NAA15: variants seen among roughly 807,000 people sequenced by gnomAD.
The protein encoded by NAA15 is N-alpha-acetyltransferase 15, NatA auxiliary subunit.
Under a neutral mutation model 114.0 loss-of-function variants are expected in NAA15, and 34 were observed. The observed-to-expected ratio is 0.30, with a 90% CI of 0.23 to 0.40. NAA15 has a LOEUF of 0.40. NAA15 is among the 10% of genes least tolerant of loss of function. The pLI is 1.00. For missense variants in NAA15, 658 were observed against 1,004.5 expected, an observed-to-expected ratio of 0.66 and a Z score of 4.66; for synonymous variants, 340 against 338.0, an observed-to-expected ratio of 1.01 and a Z score of -0.06.
chr4:139,332,578 T>TTTTTTTTTG (rs1747054489), intron 1 of NAA15, among the ~76,000 whole-genome samples: 1 of 114,924 alleles, frequency 8.7e-6, no homozygotes, highest in African/African-American at 3.7e-5. Flanking sequence ...GTATGTTTTT[T>TTTTTTTTTG]TTTTTTTTTT....
rs747164358 is a variant in NAA15 at position 139,385,157 on chromosome 4, C to T, written c.2302+179C>T. On this transcript the variant is annotated intron_variant, in intron 18 of 19. Coordinates refer to ENST00000296543, the MANE Select transcript of NAA15 (RefSeq NM_057175.5). ...CTAAGCTGGGCACAGTGGCACATAC[C>T]GGTAGTCCCAGCTACTCAGGATGCT... 6.6e-5 allele frequency among the ~76,000 whole-genome samples: 10 copies of T among 150,848 alleles called. No individual in the cohort carries two copies. In the East Asian group the frequency reaches 9.7e-4, roughly 15 times the overall value.
rs116578503 is a variant in NAA15 at position 139,373,656 on chromosome 4, A to G, written c.1948-2709A>G. On this transcript the variant is annotated intron_variant, in intron 15 of 19. Coordinates refer to ENST00000296543, the MANE Select transcript of NAA15 (RefSeq NM_057175.5). ...AATTCCCTTTTGTACCACTCATCCT[A>G]TCTTCCTCCTTGCCTTCACTCAGCA... Among the ~76,000 whole-genome samples the G allele has an allele frequency of 3.2e-4, 48 of 150,760 alleles. 1 individual carries two copies. Among genetic ancestry groups the G allele is most frequent in the African/African-American group, 1.1e-3 (44 of 41,076 alleles).
intron 2 of NAA15, among the ~76,000 whole-genome samples, chr4:139,336,233 G>A (rs1747196599): frequency 6.6e-6 from 1 of 152,010 alleles, no homozygotes; most frequent in Admixed American, 6.6e-5. Flanking sequence ...AGGCTTCATA[G>A]GATACATATA....
At chr4:139,320,679 C>A (rs1370841597) in intron 1 of NAA15, among the ~76,000 whole-genome samples, 1 of 152,178 alleles carries the variant, frequency 6.6e-6, no homozygotes, top group Non-Finnish European at 1.5e-5. Context: ...TGCCACCACG[C>A]CTGGCTAATT....
intron 1 of NAA15, among the ~76,000 whole-genome samples, chr4:139,325,103 C>T (rs560889658): frequency 3.0e-4 from 43 of 141,766 alleles, no homozygotes; most frequent in Non-Finnish European, 5.8e-4. Context: ...AAACATATCT[C>T]ATTCAAGGGG....
rs777593327 is a variant in NAA15 at position 139,361,868 on chromosome 4, A to G, written c.1684A>G (p.Ile562Val). The change falls in exon 14 of 20, where the codon ATA (isoleucine) becomes GTA (valine). Residue 562 changes from isoleucine to valine, a missense_variant. Physicochemically the swap from Ile to Val is conservative, Grantham distance 29. Around this residue, in one of 6 missense-constraint regions of NAA15, gnomAD observed 275 missense variants for 371.1 expected, o/e 0.74. Coordinates refer to ENST00000296543, the MANE Select transcript of NAA15 (RefSeq NM_057175.5). ...TTACTTCAAGGCAGCAAGAATTGCT[A>G]TAGAGATCTATTTGAAGCTTCATGA... ...PFYFKAARIA[I>V]EIYLKLHDNP... is the part of the protein sequence containing the mutation. 13 of 1,613,804 alleles carry G rather than the reference A, an allele frequency of 8.1e-6. No individual in the cohort carries two copies. The Admixed American group carries it at 8.3e-5, about 10-fold the overall frequency.
chr4:139,347,755 G>C (rs369937981), intron 6 of NAA15, among the ~76,000 whole-genome samples: 21 of 151,950 alleles, frequency 1.4e-4, no homozygotes, highest in African/African-American at 4.6e-4. Flanking sequence ...TAAGTCGGCC[G>C]GGCGCGGTGG....
At chr4:139,308,208 G>A (rs547305297) in intron 1 of NAA15, among the ~76,000 whole-genome samples, 3 of 152,060 alleles carry the variant, frequency 2.0e-5, no homozygotes, top group South Asian at 2.1e-4. Context: ...TGATCTGCCC[G>A]CCTTGGCCTC....
intron 16 of NAA15, among the ~76,000 whole-genome samples, chr4:139,377,373 C>T (rs1461715514): frequency 6.6e-6 from 1 of 152,030 alleles, no homozygotes; most frequent in Non-Finnish European, 1.5e-5. Context: ...CCCGTCTCTA[C>T]TAAAAATACA....
At chr4:139,335,511 G>A (rs1009707964) in intron 2 of NAA15, among the ~76,000 whole-genome samples, 13 of 151,852 alleles carry the variant, frequency 8.6e-5, no homozygotes, top group African/African-American at 2.9e-4. Context: ...GATTACAGGC[G>A]TGTGCCACCA....
intron 6 of NAA15, among the ~76,000 whole-genome samples, chr4:139,347,329 C>A (rs937890637): frequency 1.3e-5 from 2 of 152,062 alleles, no homozygotes; most frequent in African/African-American, 4.8e-5. Flanking sequence ...ACCGCTGGTA[C>A]AGATACTAAG....
At chr4:139,318,335 C>G (rs181486271) in intron 1 of NAA15, 3 of 151,894 alleles carry the variant, frequency 2.0e-5, no homozygotes, top group East Asian at 3.9e-4. Context: ...TTTCGGTTCC[C>G]CCGTTTGTTT....
chr4:139,328,637 G>A (rs1186665215), intron 1 of NAA15, among the ~76,000 whole-genome samples: 4 of 144,486 alleles, frequency 2.8e-5, no homozygotes, highest in African/African-American at 5.2e-5. Flanking sequence ...GCGTGATCTC[G>A]GCTCACTGTA....
intron 1 of NAA15, among the ~76,000 whole-genome samples, chr4:139,304,572 C>T (rs1434399119): frequency 6.6e-6 from 1 of 152,160 alleles, no homozygotes; most frequent in African/African-American, 2.4e-5. Context: ...CTTTAAATAT[C>T]TCTAGATTAC....
At chr4:139,314,625 C>A (rs1282143225) in intron 1 of NAA15, among the ~76,000 whole-genome samples, 1 of 151,900 alleles carries the variant, frequency 6.6e-6, no homozygotes, top group Non-Finnish European at 1.5e-5. Flanking sequence ...TAGGTTGCCA[C>A]TGCCACTAAA....
In NAA15 at chr4:139,357,721, G is replaced by T. The variant is rs74378082; in HGVS notation, c.1257+166G>T. Among the ~76,000 whole-genome samples the T allele has an allele frequency of 2.0e-5, 3 of 152,244 alleles. No homozygotes were observed. The East Asian group carries it at 5.8e-4, about 29-fold the overall frequency. On this transcript the variant is annotated intron_variant, in intron 11 of 19. Transcript: ENST00000296543. ...TCAGTCCAATTACTTTGAGACTTGT[G>T]GTCATGCTAATTTGGTGATTTATCT... is the stretch of plus-strand genomic sequence containing the variant.
intron 1 of NAA15, among the ~76,000 whole-genome samples, chr4:139,323,277 G>A (rs1477311531): frequency 2.6e-5 from 4 of 152,036 alleles, no homozygotes; most frequent in African/African-American, 4.8e-5. Context: ...GGCTGGTCTC[G>A]AACTCCTGAC....
intron 4 of NAA15, among the ~76,000 whole-genome samples, chr4:139,341,588 T>C: frequency 1.3e-5 from 1 of 75,224 alleles, no homozygotes; most frequent in Non-Finnish European, 2.4e-5. Context: ...AGCGAAACTC[T>C]GTCTCAAAAA....
intron 1 of NAA15, among the ~76,000 whole-genome samples, chr4:139,328,829 G>A (rs115618187): frequency 7.3e-5 from 11 of 150,748 alleles, no homozygotes; most frequent in South Asian, 2.1e-4. Context: ...GCCTCCCAGC[G>A]TGTTGGGATT....
Sources: gnomAD v4.1 joint callset for allele counts (sites outside exome capture counted in the v4.1 genomes callset) on GRCh38, gnomAD v4.1.1 for gene constraint, gnomAD v4.1.1 regional missense constraint, MANE v1.5 for transcripts, NCBI Gene and HGNC (gene_info 2026-07-23, HGNC 2026-07-21) for gene names.